Variants in BBS9 observed in about 807,000 individuals in gnomAD.
BBS9 encodes the protein Bardet-Biedl syndrome 9.
BBS9 carries 89 observed loss-of-function variants against 117.7 expected under a neutral mutation model. The observed-to-expected ratio is 0.76, with a 90% confidence interval of 0.64 to 0.90. The LOEUF is 0.90. BBS9 is among the 40% of genes least tolerant of loss of function. The pLI is 0.00. For synonymous variants in BBS9, 379 were observed against 370.9 expected, an observed-to-expected ratio of 1.02 and a Z score of -0.25; for missense variants, 982 against 1,042.2, an observed-to-expected ratio of 0.94 and a Z score of 0.80.
chr7:33,336,051 G>A (rs778960613), intron 9 of BBS9, among the ~76,000 whole-genome samples: 26 of 152,192 alleles, frequency 1.7e-4, no homozygotes, highest in Admixed American at 5.9e-4. Flanking sequence ...CAGCAGCCCC[G>A]CTCCATCTCT....
intron 21 of BBS9, among the ~76,000 whole-genome samples, chr7:33,571,731 T>G (rs927936539): frequency 2.6e-5 from 4 of 152,174 alleles, no homozygotes; most frequent in African/African-American, 7.2e-5. Flanking sequence ...TGCAATTAAA[T>G]TTTACATTCA....
chr7:33,143,854 C>T (rs183411432), intron 1 of BBS9, among the ~76,000 whole-genome samples: 28 of 121,174 alleles, frequency 2.3e-4, no homozygotes, highest in Non-Finnish European at 4.2e-4. Flanking sequence ...TATGAGCCAC[C>T]GCACCCAGCT....
chr7:33,259,122 T>C (rs1797557282), intron 6 of BBS9, among the ~76,000 whole-genome samples: 1 of 152,212 alleles, frequency 6.6e-6, no homozygotes, highest in East Asian at 1.9e-4. Context: ...TGCTGCATTT[T>C]TGGATTTTGG....
intron 4 of BBS9, among the ~76,000 whole-genome samples, chr7:33,164,145 A>G (rs1343446138): frequency 2.2e-4 from 34 of 152,182 alleles, no homozygotes; most frequent in African/African-American, 7.2e-4. Flanking sequence ...GCAGTTTTGA[A>G]TGAGTTTCTT....
intron 9 of BBS9, among the ~76,000 whole-genome samples, chr7:33,291,908 G>A (rs983519303): frequency 6.6e-6 from 1 of 152,068 alleles, no homozygotes; most frequent in African/African-American, 2.4e-5. Context: ...AGTCTTTAGG[G>A]CCGCTCCACT....
chr7:33,417,267 G>T (rs1344092345), intron 19 of BBS9, among the ~76,000 whole-genome samples: 2 of 152,102 alleles, frequency 1.3e-5, no homozygotes, highest in Admixed American at 6.5e-5. Flanking sequence ...TTTGTGGATG[G>T]GTTTGTGAAA....
intron 21 of BBS9, among the ~76,000 whole-genome samples, chr7:33,624,986 C>T (rs566646200): frequency 2.0e-5 from 3 of 152,242 alleles, no homozygotes; most frequent in East Asian, 3.9e-4. Flanking sequence ...TGAACCAGTA[C>T]TCTCAGTAGA....
intron 9 of BBS9, among the ~76,000 whole-genome samples, chr7:33,310,934 G>A (rs1039271834): frequency 7.9e-5 from 12 of 152,148 alleles, no homozygotes; most frequent in Non-Finnish European, 1.3e-4. Flanking sequence ...ACTTGTAGTG[G>A]GAGAGACCAA....
At chr7:33,519,030 T>G (rs1848226182) in intron 20 of BBS9, among the ~76,000 whole-genome samples, 1 of 152,030 alleles carries the variant, frequency 6.6e-6, no homozygotes, top group South Asian at 2.1e-4. Flanking sequence ...TAGCCATGTC[T>G]TAAAATAGTG....
At chr7:33,317,765 G>A (rs748407892) in intron 9 of BBS9, among the ~76,000 whole-genome samples, 67 of 152,242 alleles carry the variant, frequency 4.4e-4, no homozygotes, top group Middle Eastern at 3.4e-3. Context: ...TAAAACCCTT[G>A]CATGGGCCAG....
chr7:33,158,393 T>C (rs1417342082), intron 4 of BBS9, among the ~76,000 whole-genome samples: 2 of 152,216 alleles, frequency 1.3e-5, no homozygotes, highest in African/African-American at 4.8e-5. Flanking sequence ...CTATATTCAG[T>C]CCATATATCC....
intron 21 of BBS9, chr7:33,534,512 A>G (rs1352849116): frequency 2.1e-5 from 8 of 390,142 alleles, no homozygotes; most frequent in South Asian, 1.5e-4. Context: ...TCGCGATACA[A>G]TATTTCGTAA....
At chr7:33,266,665 A>G (rs1049487900) in intron 7 of BBS9, among the ~76,000 whole-genome samples, 1 of 152,020 alleles carries the variant, frequency 6.6e-6, no homozygotes, top group Non-Finnish European at 1.5e-5. Context: ...TTATTGAGAG[A>G]GGGGTATTGA....
intron 18 of BBS9, among the ~76,000 whole-genome samples, chr7:33,385,916 A>G (rs1214398057): frequency 1.3e-5 from 2 of 152,072 alleles, no homozygotes; most frequent in East Asian, 3.9e-4. Flanking sequence ...TTAATTAGCT[A>G]CTGAGTGCTT....
At chr7:33,214,885 G>A (rs932279992) in intron 5 of BBS9, among the ~76,000 whole-genome samples, 2 of 152,128 alleles carry the variant, frequency 1.3e-5, no homozygotes, top group Non-Finnish European at 2.9e-5. Flanking sequence ...AATAGCCAAA[G>A]CATCCCTAAT....
intron 19 of BBS9, among the ~76,000 whole-genome samples, chr7:33,451,402 C>G (rs914542686): frequency 6.6e-6 from 1 of 152,100 alleles, no homozygotes; most frequent in Non-Finnish European, 1.5e-5. Flanking sequence ...CTATTTCCCT[C>G]TTTTATGTGT....
intron 10 of BBS9, among the ~76,000 whole-genome samples, chr7:33,340,586 A>G (rs1189520387): frequency 1.3e-5 from 2 of 152,162 alleles, no homozygotes; most frequent in East Asian, 3.9e-4. Context: ...TAGCCAACTT[A>G]CCTTCACAAG....
chr7:33,216,126 A>G (rs1375592789), intron 5 of BBS9, among the ~76,000 whole-genome samples: 1 of 152,218 alleles, frequency 6.6e-6, no homozygotes, highest in Non-Finnish European at 1.5e-5. Flanking sequence ...GGCAATGCAT[A>G]TTTCTGACAC....
chr7:33,252,973 A>G (rs1796458475), intron 5 of BBS9, among the ~76,000 whole-genome samples: 1 of 152,160 alleles, frequency 6.6e-6, no homozygotes, highest in East Asian at 1.9e-4. Flanking sequence ...TTTTTGATGA[A>G]CCATTTGAAA....
Sources: gnomAD v4.1 joint callset for allele counts (sites outside exome capture counted in the v4.1 genomes callset) on GRCh38, gnomAD v4.1.1 for gene constraint, MANE v1.5 for transcripts, NCBI Gene and HGNC (gene_info 2026-07-23, HGNC 2026-07-21) for gene names.